Variants in FARP2 observed in about 807,000 individuals in gnomAD.
FARP2 encodes FERM, ARHGEF and pleckstrin domain-containing protein 2.
Under a neutral mutation model 130.5 loss-of-function variants are expected in FARP2, and 111 were observed. The ratio of observed to expected loss-of-function variants is 0.85; its 90% CI spans 0.73 to 1.00. FARP2 has a LOEUF of 1.00. FARP2 is among the 50% of genes least tolerant of loss of function. The pLI, the probability that FARP2 is intolerant of heterozygous loss-of-function variation, is 0.00. For synonymous variants in FARP2, 504 were observed against 516.9 expected (o/e 0.98, Z 0.34); for missense variants, 1,385 against 1,346.3 (o/e 1.03, Z -0.45).
At chr2:241,464,077 A>G (rs2064101146) in intron 17 of FARP2, 97 bp downstream of exon 17, 1 of 985,368 alleles carries the variant, frequency 1.0e-6, no homozygotes, top group African/African-American at 1.6e-5. Context: ...GTCCCCTCAG[A>G]AAAGGGTCCC....
At chr2:241,488,418 T>G (rs1033358590) in intron 21 of FARP2, 2 of 143,728 alleles carry the variant, frequency 1.4e-5, no homozygotes, top group African/African-American at 2.6e-5. Context: ...CTTTTTTGGT[T>G]TTTTTTTTTT....
chr2:241,375,601 G>A (rs1165653550), intron 2 of FARP2, among the ~76,000 whole-genome samples: 1 of 152,092 alleles, frequency 6.6e-6, no homozygotes, highest in Middle Eastern at 3.2e-3. Context: ...AATATTTAGA[G>A]CTTGTCAGTT....
At chr2:241,365,805 G>A (rs770665423) in intron 1 of FARP2, among the ~76,000 whole-genome samples, 55 of 151,886 alleles carry the variant, frequency 3.6e-4, no homozygotes, top group Admixed American at 1.6e-3. Flanking sequence ...GGGTTTTTAG[G>A]ACTTGCTTTT....
At chr2:241,396,857 T>A (rs911840907) in intron 2 of FARP2, among the ~76,000 whole-genome samples, 1 of 152,136 alleles carries the variant, frequency 6.6e-6, no homozygotes, top group Non-Finnish European at 1.5e-5. Flanking sequence ...GGACTATAAA[T>A]CATGCTGCTA....
At chr2:241,469,677 A>G (rs1347387917) in intron 18 of FARP2, among the ~76,000 whole-genome samples, 1 of 152,214 alleles carries the variant, frequency 6.6e-6, no homozygotes, top group Non-Finnish European at 1.5e-5. Context: ...ATTGTCAGTC[A>G]TTATACCACA....
intron 19 of FARP2, among the ~76,000 whole-genome samples, chr2:241,476,397 A>G (rs1441272134): frequency 6.7e-6 from 1 of 149,882 alleles, no homozygotes; most frequent in Non-Finnish European, 1.5e-5. Flanking sequence ...GTTAAAAATG[A>G]GTAAATACAG....
chr2:241,378,644 T>TA (rs768448737), intron 2 of FARP2, among the ~76,000 whole-genome samples: 21 of 151,520 alleles, frequency 1.4e-4, no homozygotes, highest in Non-Finnish European at 2.5e-4. Context: ...TCTTGGTCTC[T>TA]AGCAATCCTC....
chr2:241,362,638 T>A lies in FARP2; in HGVS notation c.-25+6250T>A, dbSNP rs1186390823. Among the ~76,000 whole-genome samples, 3 of 152,080 alleles carry A rather than the reference T, an allele frequency of 2.0e-5. 1 individual carries two copies. The South Asian group carries it at 6.2e-4, about 32-fold the overall frequency. ...TATATATTAATTTTTAATTGAACTA[T>A]TTTTGAAAGAAGAGCAAATACAACT... On this transcript the variant is annotated intron_variant, in intron 1 of 26. Coordinates refer to ENST00000264042, the MANE Select transcript of FARP2 (RefSeq NM_014808.4).
chr2:241,476,558 A>G (rs1225283086), intron 19 of FARP2, among the ~76,000 whole-genome samples: 1 of 152,064 alleles, frequency 6.6e-6, no homozygotes, highest in Non-Finnish European at 1.5e-5. Context: ...GCATGGTGGC[A>G]CATGCCTGTA....
At chr2:241,422,971 C>T (rs1375823493) in intron 8 of FARP2, among the ~76,000 whole-genome samples, 1 of 151,990 alleles carries the variant, frequency 6.6e-6, no homozygotes, top group East Asian at 1.9e-4. Flanking sequence ...TGTGAAGAGA[C>T]CAAACCTATA....
At chr2:241,401,559 G>T (rs890185114) in intron 2 of FARP2, among the ~76,000 whole-genome samples, 1 of 151,996 alleles carries the variant, frequency 6.6e-6, no homozygotes, top group Non-Finnish European at 1.5e-5. Context: ...TAGAGACAGG[G>T]TCTCTGTTGT....
intron 18 of FARP2, among the ~76,000 whole-genome samples, chr2:241,473,914 C>G (rs577767850): frequency 2.6e-5 from 4 of 152,274 alleles, no homozygotes; most frequent in Admixed American, 2.0e-4. Flanking sequence ...TTTTGTCAGT[C>G]AATTTTCTTT....
At chr2:241,485,396 G>A (rs1213028505) in intron 21 of FARP2, among the ~76,000 whole-genome samples, 1 of 144,320 alleles carries the variant, frequency 6.9e-6, no homozygotes, top group African/African-American at 2.6e-5. Flanking sequence ...CCTCCCTGTG[G>A]TCCTCCCTCC....
intron 8 of FARP2, among the ~76,000 whole-genome samples, chr2:241,429,975 T>C (rs2063051384): frequency 6.6e-6 from 1 of 152,188 alleles, no homozygotes; most frequent in Non-Finnish European, 1.5e-5. Flanking sequence ...GTAAATATCT[T>C]GTACCTCATC....
chr2:241,438,943 T>C (rs1309003792), intron 12 of FARP2, among the ~76,000 whole-genome samples: 1 of 152,048 alleles, frequency 6.6e-6, no homozygotes, highest in Admixed American at 6.6e-5. Context: ...CTTTTAGATA[T>C]GTTTCCTCTT....
At chr2:241,434,920 G>C (rs746974993) in intron 10 of FARP2, 42 bp from the exon 11 acceptor site, 2 of 1,164,624 alleles carry the variant, frequency 1.7e-6, no homozygotes, top group African/African-American at 3.1e-5. Context: ...AATTAATGCT[G>C]ACTTACTGTT....
rs147956939 is a variant in FARP2, at chr2:241,451,741, T to G, written c.1412-5006T>G. Among the ~76,000 whole-genome samples, 64 of 152,266 alleles carry G rather than the reference T, an allele frequency of 4.2e-4. No homozygotes were observed. In the East Asian group the frequency reaches 0.012, roughly 28 times the overall value. ...ACCTAAAACTTGATATTTAGCATTT[T>G]AAAACTTCTCTGCCTTTTTTTTTCT... On this transcript the variant is annotated intron_variant, in intron 13 of 26. Coordinates refer to ENST00000264042, the MANE Select transcript of FARP2 (RefSeq NM_014808.4).
At chr2:241,398,835 C>A (rs2062092977) in intron 2 of FARP2, among the ~76,000 whole-genome samples, 1 of 152,190 alleles carries the variant, frequency 6.6e-6, no homozygotes, top group Non-Finnish European at 1.5e-5. Flanking sequence ...TCCCAAAGTG[C>A]TAGGATTACA....
At chr2:241,485,227 TTTCCTCCCTGTA>T (rs113757889) in intron 21 of FARP2, among the ~76,000 whole-genome samples, 1 of 148,284 alleles carries the variant, frequency 6.7e-6, no homozygotes, top group African/African-American at 2.5e-5. Context: ...CTCTGGTGTC[TTTCCTCCCTGTA>T]GTCCTCCCTC....
Sources: gnomAD v4.1 joint callset for allele counts (sites outside exome capture counted in the v4.1 genomes callset) on GRCh38, gnomAD v4.1.1 for gene constraint, MANE v1.5 for transcripts, NCBI Gene and HGNC (gene_info 2026-07-23, HGNC 2026-07-21) for gene names.